Variants in PAK1 observed in about 807,000 individuals in gnomAD.
PAK1 encodes the protein p21 (RAC1) activated kinase 1, also known as serine/threonine-protein kinase PAK 1.
PAK1 carries 29 observed loss-of-function variants against 67.4 expected under a neutral mutation model. The ratio of observed to expected loss-of-function variants is 0.43; its 90% CI spans 0.32 to 0.59. PAK1 has a LOEUF of 0.59. Among genes scored for constraint, PAK1 ranks in the 20% least tolerant of loss-of-function variants. PAK1 has a pLI of 0.07. For synonymous variants in PAK1, 223 were observed against 237.4 expected, an observed-to-expected ratio of 0.94 and a Z score of 0.56; for missense variants, 337 against 670.7, an observed-to-expected ratio of 0.50 and a Z score of 5.50.
At chr11:77,440,455 C>T (rs1333113853) in intron 1 of PAK1, among the ~76,000 whole-genome samples, 5 of 152,160 alleles carry the variant, frequency 3.3e-5, no homozygotes, top group African/African-American at 9.7e-5. Context: ...AAGTACCATA[C>T]TTAACATGCC....
the PAK1 span, among the ~76,000 whole-genome samples, chr11:77,519,841 T>A: frequency 6.6e-6 from 1 of 152,122 alleles, no homozygotes; most frequent in East Asian, 1.9e-4. Flanking sequence ...ATGGACACAC[T>A]GAAGGGTAAA....
chr11:77,337,910 T>A (rs487322), intron 11 of PAK1, among the ~76,000 whole-genome samples: 61 of 152,140 alleles, frequency 4.0e-4, no homozygotes, highest in African/African-American at 1.2e-3. Flanking sequence ...CTGAATTTGA[T>A]ATCTGAAGAC....
At chr11:77,407,221 C>T (rs1346942796) in intron 1 of PAK1, among the ~76,000 whole-genome samples, 1 of 152,118 alleles carries the variant, frequency 6.6e-6, no homozygotes, top group Non-Finnish European at 1.5e-5. Flanking sequence ...TTTTGTGTTA[C>T]ATCATAAGAA....
chr11:77,393,741 G>A (rs1042364057), intron 1 of PAK1, among the ~76,000 whole-genome samples: 3 of 152,182 alleles, frequency 2.0e-5, no homozygotes, highest in African/African-American at 7.2e-5. Context: ...GGTGGCTCAT[G>A]CCTGTAATCC....
At chr11:77,483,984 G>A in the PAK1 span, among the ~76,000 whole-genome samples, 1 of 152,238 alleles carries the variant, frequency 6.6e-6, no homozygotes, top group South Asian at 2.1e-4. Flanking sequence ...TCTGATTCAG[G>A]TTAGATCAAT....
chr11:77,344,663 C>G (rs1030208784), intron 9 of PAK1, among the ~76,000 whole-genome samples: 3 of 152,180 alleles, frequency 2.0e-5, no homozygotes, highest in African/African-American at 7.2e-5. Flanking sequence ...GACGGGGAAA[C>G]TGTGTTTCAG....
the PAK1 span, among the ~76,000 whole-genome samples, chr11:77,512,956 T>G: frequency 6.6e-6 from 1 of 152,036 alleles, no homozygotes; most frequent in Non-Finnish European, 1.5e-5. Context: ...TAGCTGGACG[T>G]GGTGGCACAC....
At position 77,432,814 on chromosome 11, in the gene PAK1, A is replaced by G. The variant is rs1167443647; in HGVS notation, c.-21-40273T>C. On this transcript the variant is annotated intron_variant, in intron 1 of 14. Transcript: ENST00000356341. ...ACTGTATTTCTATACACAGCAATGA[A>G]CAATCCAAAAACTGAAATTAAAAAA... 2.0e-5 allele frequency among the ~76,000 whole-genome samples: 3 copies of G among 150,194 alleles called. No homozygotes were observed. The East Asian group carries it at 5.8e-4, about 29-fold the overall frequency.
At chr11:77,405,556 TA>T (rs34932909) in intron 1 of PAK1, among the ~76,000 whole-genome samples, 36,251 of 146,838 alleles carry the variant, frequency 0.25, 4,941 homozygotes, top group Non-Finnish European at 0.32. Context: ...AGCATGTGAT[TA>T]AAAAAAAAAA....
At chr11:77,368,202 C>T (rs111684838) in intron 5 of PAK1, among the ~76,000 whole-genome samples, 4,920 of 152,178 alleles carry the variant, frequency 0.032, 130 homozygotes, top group African/African-American at 0.075. Flanking sequence ...GTGACAAAGA[C>T]GACCCTACAA....
chr11:77,463,736 G>A (rs1033127989), intron 1 of PAK1, among the ~76,000 whole-genome samples: 4 of 152,024 alleles, frequency 2.6e-5, no homozygotes, highest in African/African-American at 2.4e-5. Context: ...CAGTCCCTTC[G>A]GATTAACTAG....
chr11:77,451,193 A>T (rs1195562066), intron 1 of PAK1, among the ~76,000 whole-genome samples: 2 of 152,338 alleles, frequency 1.3e-5, no homozygotes, highest in Non-Finnish European at 2.9e-5. Flanking sequence ...AAAATATGAC[A>T]TCTTAGCATA....
chr11:77,325,344 G>A lies in PAK1; in HGVS notation c.1552-1984C>T, dbSNP rs1430447283. On this transcript the variant is annotated intron_variant, in intron 14 of 14. Coordinates refer to ENST00000356341, the MANE Select transcript of PAK1 (RefSeq NM_002576.5). ...GCTACTTACCAGCTATCATGGAAAA[G>A]TTACTAAACACTTGAAACCTCAGTT... The A allele has an allele frequency of 3.7e-6, 6 of 1,613,784 alleles. No individual in the cohort carries two copies. In the South Asian group the frequency reaches 6.6e-5, roughly 18 times the overall value.
At chr11:77,458,295 C>T (rs1192900444) in intron 1 of PAK1, among the ~76,000 whole-genome samples, 17 of 152,176 alleles carry the variant, frequency 1.1e-4, no homozygotes. Context: ...TCCGTCACTT[C>T]ACATTTGGCT....
At chr11:77,504,437 A>T in the PAK1 span, among the ~76,000 whole-genome samples, 1 of 152,206 alleles carries the variant, frequency 6.6e-6, no homozygotes, top group Non-Finnish European at 1.5e-5. Flanking sequence ...AATGAAAAAA[A>T]TCTTATGTGT....
intron 2 of PAK1, among the ~76,000 whole-genome samples, chr11:77,384,354 AG>A: frequency 6.6e-6 from 1 of 152,326 alleles, no homozygotes; most frequent in East Asian, 1.9e-4. Flanking sequence ...CCAGGGATAT[AG>A]TATCCCTGGG....
In PAK1 at chr11:77,353,342, A is replaced by AT. The variant is rs886399507; in HGVS notation, c.836+193dup. 3.1e-5 allele frequency: 16 copies of AT among 512,328 alleles called. No individual in the cohort carries two copies. In the Admixed American group the frequency reaches 3.9e-4, roughly 12 times the overall value. The allele number at this position is 512,328 out of a possible 1,614,324, so 31.7% of individuals were successfully genotyped here. A position where few individuals can be genotyped will look rare whatever the true frequency, so the allele number is the denominator to read the frequency against. ...GTATTTTTAGCAACATGGTCAGCTA[A>AT]TGGCATCTCTCTCATATTAAGCATA... On this transcript the variant is annotated intron_variant, in intron 8 of 14. Transcript: ENST00000356341.
chr11:77,378,237 G>A (rs1949355422), intron 4 of PAK1, among the ~76,000 whole-genome samples: 1 of 152,182 alleles, frequency 6.6e-6, no homozygotes, highest in Admixed American at 6.5e-5. Context: ...TGGAAAGCTG[G>A]TCCGCTGTGG....
At chr11:77,453,689 G>T (rs1193644127) in intron 1 of PAK1, among the ~76,000 whole-genome samples, 3 of 152,170 alleles carry the variant, frequency 2.0e-5, no homozygotes, top group African/African-American at 7.2e-5. Flanking sequence ...CACTATCCCT[G>T]TAACAGCCAA....
Sources: allele counts gnomAD v4.1 joint callset (sites outside exome capture counted in the v4.1 genomes callset), GRCh38; gene constraint gnomAD v4.1.1; transcripts MANE v1.5; gene names NCBI Gene and HGNC (gene_info 2026-07-23, HGNC 2026-07-21).